The following HHLA2 variants were observed in gnomAD, a reference collection of about 807,000 sequenced individuals.
HHLA2 encodes HHLA2 member of B7 family.
HHLA2 carries 48 observed loss-of-function variants against 45.9 expected under a neutral mutation model. The ratio of observed to expected loss-of-function variants is 1.05; its 90% CI spans 0.83 to 1.33. HHLA2 has a LOEUF of 1.33. Among genes scored for constraint, HHLA2 ranks in the 40% most tolerant of loss-of-function variants. The pLI, the probability that HHLA2 is intolerant of heterozygous loss-of-function variation, is 0.00. For synonymous variants in HHLA2, 161 were observed against 173.9 expected, an observed-to-expected ratio of 0.93 and a Z score of 0.59; for missense variants, 462 against 494.3, an observed-to-expected ratio of 0.93 and a Z score of 0.62.
chr3:108,362,399 C>T (rs773718140), exon 8 of HHLA2: 8 of 1,612,748 alleles, frequency 5.0e-6, no homozygotes, highest in East Asian at 2.2e-5. Context: ...GTGCCCTCTG[C>T]GATTTTGGCA....
Position 108,351,682 on chromosome 3 carries a change from A to C in HHLA2, c.-26-106A>C, listed in dbSNP as rs535092594. ...CCATTGAACCATCCTTTACAATATT[A>C]TATTTAATGGCCACAAAACAATTAT... On this transcript the variant is annotated intron_variant, in intron 3 of 10. Coordinates refer to ENST00000619531, the Ensembl canonical transcript of HHLA2. 20 of 652,634 alleles carry C rather than the reference A, an allele frequency of 3.1e-5. No homozygotes were observed. The East Asian group carries it at 4.0e-4, about 13-fold the overall frequency. The allele number at this position is 652,634 out of a possible 1,614,324, so 40.4% of individuals were successfully genotyped here. A position where few individuals can be genotyped will look rare whatever the true frequency, so the allele number is the denominator to read the frequency against.
At chr3:108,315,898 G>A (rs1447705871) in intron 2 of HHLA2, among the ~76,000 whole-genome samples, 1 of 152,026 alleles carries the variant, frequency 6.6e-6, no homozygotes, top group Admixed American at 6.6e-5. Flanking sequence ...TGTTTATTTG[G>A]GTAATCTAAG....
At chr3:108,370,091 C>G (rs978035652) in intron 8 of HHLA2, among the ~76,000 whole-genome samples, 1 of 152,280 alleles carries the variant, frequency 6.6e-6, no homozygotes, top group South Asian at 2.1e-4. Flanking sequence ...CTCACACGGC[C>G]GGGTACTCCT....
intron 3 of HHLA2, among the ~76,000 whole-genome samples, chr3:108,333,841 T>C (rs1372864365): frequency 6.6e-6 from 1 of 152,104 alleles, no homozygotes; most frequent in East Asian, 1.9e-4. Flanking sequence ...CTAGATGACA[T>C]TGAATTCCTT....
At chr3:108,349,814 T>C (rs974047266) in intron 3 of HHLA2, among the ~76,000 whole-genome samples, 2 of 152,090 alleles carry the variant, frequency 1.3e-5, no homozygotes, top group Admixed American at 1.3e-4. Context: ...ACAACAATTA[T>C]GAAGTAAGAG....
Position 108,325,544 on chromosome 3 carries a change from G to A in HHLA2, c.-104-2726G>A. The A allele has an allele frequency of 1.1e-5, 3 of 274,950 alleles. No individual in the cohort carries two copies. The South Asian group carries it at 1.3e-4, about 12-fold the overall frequency. 17.0% of individuals were successfully genotyped at this position (274,950 alleles called of 1,614,324 possible). A position where few individuals can be genotyped will look rare whatever the true frequency, so the allele number is the denominator to read the frequency against. ...TACTATTGCTACTGGAACCATCATA[G>A]CCATCTTGGTTTTGTAGTTTGGCAA... On this transcript the variant is annotated intron_variant, in intron 2 of 10. Transcript: ENST00000619531.
intron 1 of HHLA2, among the ~76,000 whole-genome samples, chr3:108,298,371 C>A (rs988802197): frequency 2.6e-5 from 4 of 152,204 alleles, no homozygotes; most frequent in African/African-American, 9.6e-5. Flanking sequence ...ACTTTAGGTT[C>A]TCCTTTCTAA....
chr3:108,350,004 T>A (rs1245783803), intron 3 of HHLA2, among the ~76,000 whole-genome samples: 1 of 152,182 alleles, frequency 6.6e-6, no homozygotes, highest in Non-Finnish European at 1.5e-5. Context: ...GAGACAGTAA[T>A]TAAATTTCAA....
At chr3:108,314,382 G>A (rs1475861882) in intron 2 of HHLA2, among the ~76,000 whole-genome samples, 1 of 151,524 alleles carries the variant, frequency 6.6e-6, no homozygotes, top group African/African-American at 2.4e-5. Context: ...TCCTTAGGCT[G>A]GCCTTTTTTC....
intron 8 of HHLA2, among the ~76,000 whole-genome samples, chr3:108,363,651 T>C (rs2082015617): frequency 6.6e-6 from 1 of 152,192 alleles, no homozygotes; most frequent in Non-Finnish European, 1.5e-5. Context: ...CAGTCTAGCC[T>C]GTCCACGAAG....
chr3:108,317,936 C>A (rs1209196365), intron 2 of HHLA2, among the ~76,000 whole-genome samples: 1 of 151,998 alleles, frequency 6.6e-6, no homozygotes, highest in East Asian at 1.9e-4. Flanking sequence ...AATCCCAGCA[C>A]CTTGGGAGGC....
chr3:108,316,974 T>G (rs2081113063), intron 2 of HHLA2, among the ~76,000 whole-genome samples: 1 of 152,218 alleles, frequency 6.6e-6, no homozygotes, highest in Non-Finnish European at 1.5e-5. Context: ...ACAGGATTTC[T>G]TCATGGGACT....
chr3:108,311,016 A>C (rs1362093435), intron 2 of HHLA2, among the ~76,000 whole-genome samples: 1 of 152,194 alleles, frequency 6.6e-6, no homozygotes, highest in Non-Finnish European at 1.5e-5. Context: ...ACATTTACAG[A>C]AATCTGTTGT....
chr3:108,297,966 C>A (rs1181369387), intron 1 of HHLA2, among the ~76,000 whole-genome samples: 1 of 152,284 alleles, frequency 6.6e-6, no homozygotes, highest in African/African-American at 2.4e-5. Flanking sequence ...AGAGACTTGC[C>A]TAGGAGTGGA....
chr3:108,365,318 G>A (rs551494947), intron 8 of HHLA2, among the ~76,000 whole-genome samples: 2 of 152,036 alleles, frequency 1.3e-5, no homozygotes, highest in Non-Finnish European at 2.9e-5. Flanking sequence ...GATGTGTGGT[G>A]TTATTTCTGA....
intron 8 of HHLA2, among the ~76,000 whole-genome samples, chr3:108,367,799 G>C (rs900202062): frequency 2.0e-5 from 3 of 152,186 alleles, no homozygotes; most frequent in Middle Eastern, 3.4e-3. Flanking sequence ...TATTATCCAG[G>C]AGAACTTCTC....
At chr3:108,368,336 A>G (rs2082101483) in intron 8 of HHLA2, among the ~76,000 whole-genome samples, 1 of 152,024 alleles carries the variant, frequency 6.6e-6, no homozygotes, top group South Asian at 2.1e-4. Flanking sequence ...TCATGATGAC[A>G]GGATCAAATT....
intron 8 of HHLA2, among the ~76,000 whole-genome samples, chr3:108,371,917 T>C (rs899051791): frequency 2.0e-5 from 3 of 152,052 alleles, no homozygotes; most frequent in African/African-American, 4.8e-5. Context: ...GACAGATCAA[T>C]GAGACAGAAA....
At chr3:108,313,908 A>T (rs1047727114) in intron 2 of HHLA2, among the ~76,000 whole-genome samples, 12 of 152,198 alleles carry the variant, frequency 7.9e-5, no homozygotes, top group Non-Finnish European at 1.8e-4. Context: ...CAGGGTTATG[A>T]TGACTTCATC....
Sources: gnomAD v4.1 joint callset for allele counts (sites outside exome capture counted in the v4.1 genomes callset) on GRCh38, gnomAD v4.1.1 for gene constraint, MANE v1.5 for transcripts, NCBI Gene and HGNC (gene_info 2026-07-23, HGNC 2026-07-21) for gene names.